HS6ST3: variants seen among roughly 807,000 people sequenced by gnomAD.
HS6ST3 encodes heparan-sulfate 6-O-sulfotransferase 3.
HS6ST3 carries 12 observed loss-of-function variants against 36.7 expected under a neutral mutation model. That is an observed-to-expected ratio of 0.33 (90% CI 0.21 to 0.53). The LOEUF is 0.53. Ranked by LOEUF, HS6ST3 falls within the 20% of genes least tolerant of loss-of-function variation. The pLI, the probability that HS6ST3 is intolerant of heterozygous loss-of-function variation, is 0.95. For synonymous variants in HS6ST3, 240 were observed against 257.5 expected (o/e 0.93, Z 0.65); for missense variants, 584 against 640.9 (o/e 0.91, Z 0.96).
chr13:96,235,482 A>G (rs1246414822), intron 1 of HS6ST3, among the ~76,000 whole-genome samples: 1 of 152,194 alleles, frequency 6.6e-6, no homozygotes, highest in Non-Finnish European at 1.5e-5. Flanking sequence ...GAAGCCACAA[A>G]TGGGTCATAG....
chr13:96,296,834 T>A (rs2054857328), intron 1 of HS6ST3, among the ~76,000 whole-genome samples: 1 of 152,140 alleles, frequency 6.6e-6, no homozygotes, highest in South Asian at 2.1e-4. Context: ...TGCTATATCG[T>A]CCCTTCTCTT....
intron 1 of HS6ST3, among the ~76,000 whole-genome samples, chr13:96,112,568 AAAAT>A (rs1191327531): frequency 7.6e-5 from 6 of 79,350 alleles, no homozygotes; most frequent in East Asian, 4.5e-4. Flanking sequence ...CCCCATCTCT[AAAAT>A]AAATAAATAT....
chr13:96,762,324 A>T (rs1440310028), intron 1 of HS6ST3, among the ~76,000 whole-genome samples: 2 of 152,088 alleles, frequency 1.3e-5, no homozygotes, highest in African/African-American at 2.4e-5. Flanking sequence ...CTAAAAATAT[A>T]AAAAAATTAG....
rs545229538 is a variant in HS6ST3 at position 96,479,618 on chromosome 13, C to A, written c.708-352872C>A. On this transcript the variant is annotated intron_variant, in intron 1 of 1. Transcript: ENST00000376705. ...TGACAATGGTTAGCATTGGATAGAT[C>A]AGAGAAATATTGATGAGGTGGAATT... Among the ~76,000 whole-genome samples, 178 of 152,134 alleles carry A rather than the reference C, an allele frequency of 1.2e-3. 2 individuals are homozygous for A. Among genetic ancestry groups the A allele is most frequent in the Non-Finnish European group, 1.9e-4 (13 of 67,994 alleles).
chr13:96,340,319 A>T (rs2055123759), intron 1 of HS6ST3, among the ~76,000 whole-genome samples: 1 of 152,200 alleles, frequency 6.6e-6, no homozygotes, highest in African/African-American at 2.4e-5. Flanking sequence ...GTTGATTCAG[A>T]GCAGTGAGTT....
intron 1 of HS6ST3, among the ~76,000 whole-genome samples, chr13:96,729,455 T>C (rs1309754923): frequency 6.6e-6 from 1 of 151,992 alleles, no homozygotes; most frequent in Non-Finnish European, 1.5e-5. Context: ...CAATAGTGAC[T>C]TTATTTATTT....
intron 1 of HS6ST3, among the ~76,000 whole-genome samples, chr13:96,284,394 C>T (rs925355078): frequency 6.6e-6 from 1 of 152,110 alleles, no homozygotes; most frequent in Non-Finnish European, 1.5e-5. Flanking sequence ...GGCCAAAGGT[C>T]CAAGAGTCCC....
intron 1 of HS6ST3, among the ~76,000 whole-genome samples, chr13:96,183,349 G>T (rs1348066474): frequency 6.6e-6 from 1 of 152,152 alleles, no homozygotes; most frequent in African/African-American, 2.4e-5. Context: ...TTAGATGCTC[G>T]AGGTGGAAGA....
chr13:96,263,203 G>A (rs960838411), intron 1 of HS6ST3, among the ~76,000 whole-genome samples: 8 of 152,050 alleles, frequency 5.3e-5, no homozygotes, highest in African/African-American at 1.9e-4. Context: ...CTAATACTAT[G>A]GTGACATGTC....
At chr13:96,289,132 T>C (rs1258700824) in intron 1 of HS6ST3, among the ~76,000 whole-genome samples, 1 of 151,986 alleles carries the variant, frequency 6.6e-6, no homozygotes, top group Non-Finnish European at 1.5e-5. Flanking sequence ...TTATAAAAAA[T>C]TATTGAAGGA....
chr13:96,186,117 A>G (rs2054264025), intron 1 of HS6ST3, among the ~76,000 whole-genome samples: 1 of 152,192 alleles, frequency 6.6e-6, no homozygotes, highest in South Asian at 2.1e-4. Flanking sequence ...ATAAACATAT[A>G]TATAATTTTT....
intron 1 of HS6ST3, among the ~76,000 whole-genome samples, chr13:96,426,942 G>A (rs779478867): frequency 4.6e-5 from 7 of 152,128 alleles, no homozygotes; most frequent in Non-Finnish European, 8.8e-5. Flanking sequence ...TAGTAGAGTT[G>A]TTCTCTACAC....
At chr13:96,412,743 C>A (rs933654345) in intron 1 of HS6ST3, among the ~76,000 whole-genome samples, 1 of 151,922 alleles carries the variant, frequency 6.6e-6, no homozygotes, top group African/African-American at 2.4e-5. Flanking sequence ...GTAGAAACAT[C>A]TCCAACTCAA....
intron 1 of HS6ST3, among the ~76,000 whole-genome samples, chr13:96,602,958 A>C (rs186437197): frequency 3.3e-5 from 5 of 152,220 alleles, no homozygotes; most frequent in African/African-American, 9.6e-5. Context: ...ACCCTCTTCA[A>C]TGTGTCTTTT....
chr13:96,778,922 A>G (rs1877459163), intron 1 of HS6ST3, among the ~76,000 whole-genome samples: 1 of 152,146 alleles, frequency 6.6e-6, no homozygotes, highest in Non-Finnish European at 1.5e-5. Flanking sequence ...ACCAACCCAA[A>G]TGCCCATCAA....
chr13:96,498,845 C>G (rs892535244), intron 1 of HS6ST3, among the ~76,000 whole-genome samples: 5 of 152,156 alleles, frequency 3.3e-5, no homozygotes, highest in African/African-American at 1.2e-4. Flanking sequence ...TTTTCCCTGT[C>G]ATACTTCTCC....
chr13:96,144,668 T>TTATATATTATATATTATATA (rs2054047855), intron 1 of HS6ST3, among the ~76,000 whole-genome samples: 1 of 151,670 alleles, frequency 6.6e-6, no homozygotes. Flanking sequence ...TACTTTAAGT[T>TTATATATTATATATTATATA]TTAGGGTACA....
chr13:96,367,493 A>C (rs752787980), intron 1 of HS6ST3, among the ~76,000 whole-genome samples: 1 of 152,202 alleles, frequency 6.6e-6, no homozygotes, highest in East Asian at 1.9e-4. Context: ...GCTGTTGACT[A>C]TGACACTGGT....
chr13:96,836,045 A>T lies in HS6ST3; in HGVS notation c.*2847A>T, dbSNP rs901826139. The T allele has an allele frequency of 4.6e-5, 7 of 152,198 alleles. No individual in the cohort carries two copies. The highest frequency in any genetic ancestry group is 8.8e-5 in the Non-Finnish European group (6 of 68,042). The allele number at this position is 152,198 out of a possible 1,614,324, so 9.4% of individuals were successfully genotyped here. A position where few individuals can be genotyped will look rare whatever the true frequency, so the allele number is the denominator to read the frequency against. On this transcript the variant is annotated 3_prime_UTR_variant, in exon 2 of 2. Transcript: ENST00000376705. ...AGGTAGGGATACAGTTTATTCTCCA[A>T]AAATGGACTGCCCACTTCCATGCTG...
Sources: gnomAD v4.1 joint callset for allele counts (sites outside exome capture counted in the v4.1 genomes callset) on GRCh38, gnomAD v4.1.1 for gene constraint, MANE v1.5 for transcripts, NCBI Gene and HGNC (gene_info 2026-07-23, HGNC 2026-07-21) for gene names.